Variants in GRK7 observed in about 807,000 individuals in gnomAD.
The protein encoded by GRK7 is rhodopsin kinase GRK7.
Under a neutral mutation model 34.1 loss-of-function variants are expected in GRK7, and 24 were observed. The ratio of observed to expected loss-of-function variants is 0.70; its 90% confidence interval spans 0.51 to 0.99. GRK7 has a LOEUF of 0.99. Ranked by LOEUF, GRK7 falls within the 50% of genes least tolerant of loss-of-function variation. The probability of loss-of-function intolerance (pLI) is 0.00; values close to 1 mark genes in which losing one functional copy is unlikely to be tolerated. For synonymous variants in GRK7, 256 were observed against 279.4 expected (o/e 0.92, Z 0.84); for missense variants, 644 against 707.3 (o/e 0.91, Z 1.02).
intron 4 of GRK7, among the ~76,000 whole-genome samples, chr3:141,804,710 C>T (rs552767371): frequency 1.3e-5 from 2 of 151,840 alleles, no homozygotes; most frequent in South Asian, 2.1e-4. Context: ...TATACACATG[C>T]ACATTCACAC....
chr3:141,791,415 G>A (rs140929450), intron 4 of GRK7, among the ~76,000 whole-genome samples: 79 of 152,096 alleles, frequency 5.2e-4, no homozygotes, highest in African/African-American at 1.9e-3. Context: ...AGACATACAG[G>A]AGAGGCATTC....
chr3:141,808,152 C>T (rs909868552), intron 5 of GRK7, among the ~76,000 whole-genome samples: 1 of 151,480 alleles, frequency 6.6e-6, no homozygotes, highest in Admixed American at 6.6e-5. Flanking sequence ...AAGCAGCTTG[C>T]GTTAAAAAAA....
chr3:141,753,198 C>G, the GRK7 span, among the ~76,000 whole-genome samples: 21 of 152,314 alleles, frequency 1.4e-4, no homozygotes, highest in African/African-American at 4.8e-4. Context: ...ACCTATTTTC[C>G]TCCAAAATTG....
chr3:141,770,994 C>CA (rs55988355), intron 1 of GRK7, among the ~76,000 whole-genome samples: 1,177 of 84,590 alleles, frequency 0.014, 25 homozygotes, highest in African/African-American at 0.047. Flanking sequence ...TACCCAGTCT[C>CA]AAAAAAAAAA....
chr3:141,809,585 C>A (rs938786754), intron 5 of GRK7, among the ~76,000 whole-genome samples: 1 of 151,874 alleles, frequency 6.6e-6, no homozygotes, highest in African/African-American at 2.4e-5. Context: ...GTAGTCCCAG[C>A]TACTCAAGAG....
rs770173065 is a variant in GRK7, at chr3:141,777,322, C to CTTTTTTTTTTTTTT, written c.-113-843_-113-830dup. Among the ~76,000 whole-genome samples, 389 of 52,858 alleles carry CTTTTTTTTTTTTTT rather than the reference C, an allele frequency of 7.4e-3. 103 individuals carry two copies. The highest frequency in any genetic ancestry group is 0.032 in the African/African-American group (356 of 11,148). 34.7% of individuals were successfully genotyped at this position (52,858 alleles called of 152,430 possible). On this transcript the variant is annotated intron_variant, in intron 2 of 5. Coordinates refer to ENST00000682958, the MANE Select transcript of GRK7 (RefSeq NM_139209.3). ...TATGTTTTGGGTGGAGATGGCCCCTCTTTTTTTTTTTTTTTTTTTTGAGAC... is the reference window on the plus strand; with the variant it reads ...TATGTTTTGGGTGGAGATGGCCCCTCTTTTTTTTTTTTTTTTTTTTTTTTTTTTTTTTTTGAGAC...
Position 141,778,134 on chromosome 3 carries a change from G to A in GRK7, c.-113-38G>A, listed in dbSNP as rs1340615945. ...TAGCCAGTCAAAGCTTCTTACAAGAGAAACCTCTTTCACACCCTCCACGGG... is the reference window on the plus strand; with the variant it reads ...TAGCCAGTCAAAGCTTCTTACAAGAAAAACCTCTTTCACACCCTCCACGGG... On this transcript the variant is annotated intron_variant, in intron 2 of 5. Coordinates refer to ENST00000682958, the MANE Select transcript of GRK7 (RefSeq NM_139209.3). This position sits in a 1 kb window ranked among gnomAD's most constrained non-coding sequence, Gnocchi z 4.1. 19 of 938,328 alleles carry A rather than the reference G, an allele frequency of 2.0e-5. No individual in the cohort carries two copies. The highest frequency in any genetic ancestry group is 2.8e-5 in the Non-Finnish European group (18 of 636,224). The allele number at this position is 938,328 out of a possible 1,614,324, so 58.1% of individuals were successfully genotyped here.
chr3:141,778,386 G>A lies in GRK7; in HGVS notation c.102G>A (p.Arg34=), dbSNP rs757437128. 10 of 1,611,990 alleles carry A rather than the reference G, an allele frequency of 6.2e-6. No individual in the cohort carries two copies. The highest frequency in any genetic ancestry group is 6.8e-6 in the Non-Finnish European group (8 of 1,179,234). The change falls in exon 3 of 6, where the codon CGG becomes CGA. Residue 34 remains arginine, a synonymous_variant. Transcript: ENST00000682958. The surrounding 1 kb of genome is among the most constrained non-coding windows in gnomAD (Gnocchi z 4.1). ...DCDSKELQRR[R]RSLALPGLQG... is the part of the protein sequence containing the mutation. Reference sequence around the variant, plus strand: ...ACAGCAAAGAGCTGCAGCGGCGGCGGCGTAGCCTGGCCCTGCCCGGGCTGC... The same window carrying A: ...ACAGCAAAGAGCTGCAGCGGCGGCGACGTAGCCTGGCCCTGCCCGGGCTGC...
Position 141,813,188 on chromosome 3 carries a change from C to T in GRK7, c.1326-3526C>T, listed in dbSNP as rs181146521. ...TCACCCAGGCTGGACTGCAATGGCC[C>T]GATCTCGGCTCACTGCAACCTTTGC... On this transcript the variant is annotated intron_variant, in intron 5 of 5. Coordinates refer to ENST00000682958, the MANE Select transcript of GRK7 (RefSeq NM_139209.3). Among the ~76,000 whole-genome samples the T allele has an allele frequency of 3.3e-5, 5 of 152,312 alleles. No individual in the cohort carries two copies. In the East Asian group the frequency reaches 5.8e-4, roughly 18 times the overall value.
intron 4 of GRK7, among the ~76,000 whole-genome samples, chr3:141,799,695 C>T (rs1003487437): frequency 4.6e-5 from 7 of 151,992 alleles, no homozygotes; most frequent in Admixed American, 4.6e-4. Flanking sequence ...GGTTCAGTTT[C>T]CTAATCTGCA....
chr3:141,783,307 C>G (rs567428915), intron 4 of GRK7, among the ~76,000 whole-genome samples: 1 of 152,124 alleles, frequency 6.6e-6, no homozygotes, highest in Non-Finnish European at 1.5e-5. Flanking sequence ...TATAATTAAG[C>G]GATTATAATT....
chr3:141,754,561 C>G, the GRK7 span, among the ~76,000 whole-genome samples: 1 of 151,898 alleles, frequency 6.6e-6, no homozygotes, highest in South Asian at 2.1e-4. Context: ...GTGCCTCAGC[C>G]TCCTGAATAA....
At chr3:141,797,078 A>G (rs988063919) in intron 4 of GRK7, among the ~76,000 whole-genome samples, 2 of 152,214 alleles carry the variant, frequency 1.3e-5, no homozygotes, top group Admixed American at 6.5e-5. Context: ...CAGCAAACCA[A>G]CGCCAGTGTG....
At chr3:141,810,308 C>T (rs1263998751) in intron 5 of GRK7, among the ~76,000 whole-genome samples, 1 of 151,084 alleles carries the variant, frequency 6.6e-6, no homozygotes, top group East Asian at 1.9e-4. Flanking sequence ...CTCCCCATCC[C>T]TCCTTCCCTT....
intron 4 of GRK7, among the ~76,000 whole-genome samples, chr3:141,803,616 T>C (rs536822618): frequency 8.1e-4 from 124 of 152,338 alleles, no homozygotes; most frequent in Middle Eastern, 3.4e-3. Context: ...TTAGACACCC[T>C]GTATAAATGG....
At chr3:141,766,757 T>C (rs887790686) in intron 1 of GRK7, among the ~76,000 whole-genome samples, 1 of 152,242 alleles carries the variant, frequency 6.6e-6, no homozygotes, top group African/African-American at 2.4e-5. Flanking sequence ...TTTGCTAACA[T>C]TGTATTGTTT....
chr3:141,793,529 C>T (rs922089477), intron 4 of GRK7, among the ~76,000 whole-genome samples: 5 of 152,178 alleles, frequency 3.3e-5, no homozygotes, highest in Non-Finnish European at 5.9e-5. Flanking sequence ...ACCCCTAGTG[C>T]GGCAGGCGGT....
the GRK7 span, among the ~76,000 whole-genome samples, chr3:141,756,754 A>G: frequency 6.6e-6 from 1 of 152,214 alleles, no homozygotes; most frequent in African/African-American, 2.4e-5. Context: ...AAAATAAAAG[A>G]AAATGCATTA....
At chr3:141,762,399 TG>T (rs941539365), upstream of GRK7, among the ~76,000 whole-genome samples, 4 of 145,160 alleles carry the variant, frequency 2.8e-5, no homozygotes, top group Non-Finnish European at 6.1e-5. Flanking sequence ...GTGCCCCTGC[TG>T]GGGGGTGCCT....
Sources: gnomAD v4.1 joint callset for allele counts (sites outside exome capture counted in the v4.1 genomes callset) on GRCh38, gnomAD v4.1.1 for gene constraint, Gnocchi (gnomAD v3.1) non-coding constraint, MANE v1.5 for transcripts, NCBI Gene and HGNC (gene_info 2026-07-23, HGNC 2026-07-21) for gene names.